LMNTD1: variants seen among roughly 807,000 people sequenced by gnomAD.
LMNTD1 encodes lamin tail domain containing 1, also known as lamin tail domain-containing protein 1.
A neutral mutation model predicts 50.9 loss-of-function variants in LMNTD1; 35 were observed. The observed-to-expected ratio is 0.69, with a 90% confidence interval of 0.53 to 0.91. The LOEUF (loss-of-function observed/expected upper bound fraction) is 0.91, where lower values mean the gene tolerates loss of function less well. Ranked by LOEUF, LMNTD1 falls within the 40% of genes least tolerant of loss-of-function variation. The pLI is 0.00. For synonymous variants in LMNTD1, 153 were observed against 161.9 expected, an observed-to-expected ratio of 0.94 and a Z score of 0.42; for missense variants, 470 against 475.5, an observed-to-expected ratio of 0.99 and a Z score of 0.11.
chr12:25,476,722 G>T (rs1186870897), intron 9 of LMNTD1, among the ~76,000 whole-genome samples: 1 of 152,120 alleles, frequency 6.6e-6, no homozygotes, highest in South Asian at 2.1e-4. Context: ...CCCCAGTTTT[G>T]ACCTTGACTT....
chr12:25,483,760 G>C lies in LMNTD1; in HGVS notation c.*23-7300C>G, dbSNP rs564110934. Among the ~76,000 whole-genome samples the C allele has an allele frequency of 2.7e-5, 3 of 111,852 alleles. No homozygotes were observed. In the East Asian group the frequency reaches 7.9e-4, roughly 30 times the overall value. 73.4% of individuals were successfully genotyped at this position (111,852 alleles called of 152,430 possible). A position where few individuals can be genotyped will look rare whatever the true frequency, so the allele number is the denominator to read the frequency against. ...GTACTCCAAGCCAGGGCGACAGAGT[G>C]ACATTCCATCTCAAAAAAAAAAAAA... On this transcript the variant is annotated intron_variant, in intron 9 of 9. Transcript: ENST00000458174.
At chr12:25,481,271 C>T (rs981470360) in intron 9 of LMNTD1, among the ~76,000 whole-genome samples, 1 of 151,960 alleles carries the variant, frequency 6.6e-6, no homozygotes, top group African/African-American at 2.4e-5. Context: ...CACCACCTTC[C>T]AACATGCTAT....
In LMNTD1 at chr12:25,634,549, A is replaced by G. The variant is rs151320822; in HGVS notation, c.58+13945T>C. ...ACAGACGCAAGTCAGTAAATGTGAT[A>G]CACCCCATAAACAAAATTTAAAACA... is the stretch of plus-strand genomic sequence containing the variant. On this transcript the variant is annotated intron_variant, in intron 1 of 7. Coordinates refer to the LMNTD1 transcript ENST00000445693. 2.6e-5 allele frequency among the ~76,000 whole-genome samples: 4 copies of G among 152,332 alleles called. No individual in the cohort carries two copies. The East Asian group carries it at 7.7e-4, about 29-fold the overall frequency.
At chr12:25,483,636 G>T (rs983190645) in intron 9 of LMNTD1, among the ~76,000 whole-genome samples, 10 of 151,702 alleles carry the variant, frequency 6.6e-5, no homozygotes, top group Middle Eastern at 3.2e-3. Flanking sequence ...GCCGGTCATG[G>T]TGGCGCTTGC....
chr12:25,555,065 T>TA (rs766278656), upstream of LMNTD1, among the ~76,000 whole-genome samples: 665 of 133,244 alleles, frequency 5.0e-3, 1 homozygote, highest in African/African-American at 8.1e-3. Flanking sequence ...TCTCCGTCAT[T>TA]AAAAAAAAAA....
At chr12:25,571,902 C>T (rs1334339815) in intron 1 of LMNTD1, among the ~76,000 whole-genome samples, 1 of 152,126 alleles carries the variant, frequency 6.6e-6, no homozygotes, top group Non-Finnish European at 1.5e-5. Context: ...AACTCCTGGC[C>T]TCAAGTTGAT....
chr12:25,487,906 G>A (rs1450223201), intron 9 of LMNTD1, among the ~76,000 whole-genome samples: 1 of 128,416 alleles, frequency 7.8e-6, no homozygotes, highest in African/African-American at 2.9e-5. Context: ...TAGTTTGGCT[G>A]GATATGAAAT....
At chr12:25,571,748 C>A (rs1944807549) in intron 1 of LMNTD1, among the ~76,000 whole-genome samples, 1 of 152,160 alleles carries the variant, frequency 6.6e-6, no homozygotes, top group South Asian at 2.1e-4. Context: ...TGGCTCACTG[C>A]AAGCTCTGCC....
chr12:25,587,015 T>C (rs1365303599), intron 1 of LMNTD1, among the ~76,000 whole-genome samples: 2 of 152,290 alleles, frequency 1.3e-5, no homozygotes, highest in East Asian at 1.9e-4. Context: ...ACTTAACCCA[T>C]TGTAAGCTCT....
chr12:25,619,557 TGA>T (rs781256941), intron 1 of LMNTD1, among the ~76,000 whole-genome samples: 72 of 152,204 alleles, frequency 4.7e-4, no homozygotes, highest in Non-Finnish European at 1.2e-4. Flanking sequence ...CTGTGAAGTT[TGA>T]GAGAGTTTTC....
At chr12:25,612,199 T>C (rs1412495171) in intron 1 of LMNTD1, among the ~76,000 whole-genome samples, 1 of 152,116 alleles carries the variant, frequency 6.6e-6, no homozygotes, top group Non-Finnish European at 1.5e-5. Flanking sequence ...TTAACTCAAA[T>C]GCTTCTTGTT....
intron 8 of LMNTD1, among the ~76,000 whole-genome samples, chr12:25,513,681 C>T (rs1487436900): frequency 6.6e-6 from 1 of 152,098 alleles, no homozygotes; most frequent in African/African-American, 2.4e-5. Context: ...CATGAGACTA[C>T]AAGCTATCAA....
exon 1 of LMNTD1, chr12:25,648,527 C>T (rs775614213): frequency 1.9e-6 from 3 of 1,551,730 alleles, no homozygotes; most frequent in Non-Finnish European, 2.6e-6. Flanking sequence ...ACACCGATGT[C>T]TCCTGCTCTC....
intron 6 of LMNTD1, among the ~76,000 whole-genome samples, chr12:25,522,217 T>A (rs1353838279): frequency 2.6e-5 from 4 of 152,160 alleles, no homozygotes; most frequent in Admixed American, 2.6e-4. Context: ...TTGCTACAGA[T>A]CATTAGTTAC....
intron 1 of LMNTD1, among the ~76,000 whole-genome samples, chr12:25,619,252 C>CTATA (rs71450756): frequency 6.4e-4 from 54 of 84,398 alleles, no homozygotes; most frequent in African/African-American, 2.2e-3. Flanking sequence ...CTCTCTCTCT[C>CTATA]TATATATATA....
intron 1 of LMNTD1, among the ~76,000 whole-genome samples, chr12:25,644,313 C>CAAAAAAAAAAA (rs59091210): frequency 1.2e-5 from 1 of 82,098 alleles, no homozygotes. Context: ...CCTTTCTCTA[C>CAAAAAAAAAAA]AAAAAAAAAA....
At chr12:25,640,147 G>T (rs140784180) in intron 1 of LMNTD1, among the ~76,000 whole-genome samples, 5 of 152,106 alleles carry the variant, frequency 3.3e-5, no homozygotes, top group Non-Finnish European at 4.4e-5. Flanking sequence ...AGGTGACTTG[G>T]GGGGAGAGGA....
intron 8 of LMNTD1, among the ~76,000 whole-genome samples, chr12:25,515,639 T>C (rs189905282): frequency 2.5e-3 from 377 of 152,198 alleles, no homozygotes; most frequent in Non-Finnish European, 4.9e-3. Context: ...AATATATGGG[T>C]GCTTTTAACA....
chr12:25,513,994 A>C (rs1940541477), intron 8 of LMNTD1, among the ~76,000 whole-genome samples: 1 of 152,200 alleles, frequency 6.6e-6, no homozygotes, highest in Admixed American at 6.5e-5. Context: ...TGACCTTTAA[A>C]ATTCTTACCA....
Sources: allele counts gnomAD v4.1 joint callset (sites outside exome capture counted in the v4.1 genomes callset), GRCh38; gene constraint gnomAD v4.1.1; transcripts MANE v1.5; gene names NCBI Gene and HGNC (gene_info 2026-07-23, HGNC 2026-07-21).